The following SPATA6 variants were observed in gnomAD, a reference collection of about 807,000 sequenced individuals.
The protein encoded by SPATA6 is spermatogenesis-associated protein 6.
In SPATA6, 56 loss-of-function variants were observed where a neutral mutation model predicts 65.3. That is an observed-to-expected ratio of 0.86 (90% confidence interval 0.69 to 1.07). The LOEUF is 1.07. Ranked by LOEUF, SPATA6 falls within the 50% of genes least tolerant of loss-of-function variation. The pLI is 0.00. For missense variants in SPATA6, 590 were observed against 594.8 expected (o/e 0.99, Z 0.08); for synonymous variants, 199 against 213.2 (o/e 0.93, Z 0.58).
At chr1:48,454,213 C>G (rs750249837) in intron 1 of SPATA6, among the ~76,000 whole-genome samples, 15 of 152,040 alleles carry the variant, frequency 9.9e-5, no homozygotes, top group Non-Finnish European at 2.1e-4. Flanking sequence ...ACTACACCCT[C>G]AGCAGGATAT....
At chr1:48,362,006 C>A (rs1320293029) in intron 9 of SPATA6, among the ~76,000 whole-genome samples, 1 of 152,072 alleles carries the variant, frequency 6.6e-6, no homozygotes, top group Non-Finnish European at 1.5e-5. Context: ...AATAAAATTG[C>A]TCCATTTTTA....
At chr1:48,470,254 G>A (rs989957412) in intron 1 of SPATA6, among the ~76,000 whole-genome samples, 13 of 152,100 alleles carry the variant, frequency 8.5e-5, no homozygotes, top group African/African-American at 2.7e-4. Flanking sequence ...TATTGGCAAC[G>A]TTAGGGAAGC....
At chr1:48,373,135 C>T (rs865845503) in intron 9 of SPATA6, among the ~76,000 whole-genome samples, 5 of 152,210 alleles carry the variant, frequency 3.3e-5, no homozygotes, top group African/African-American at 7.2e-5. Flanking sequence ...TCTTTTCTAT[C>T]GCATAGTCAG....
At position 48,467,300 on chromosome 1, in the gene SPATA6, A is replaced by T. The variant is rs193053609; in HGVS notation, c.51+4658T>A. On this transcript the variant is annotated intron_variant, in intron 1 of 12. Transcript: ENST00000371847. ...ACCACTAACACAAAACTTCAGCAAA[A>T]AGTAAGCATGGAAGGGGTAGAGAAG... 8.5e-3 allele frequency among the ~76,000 whole-genome samples: 1,301 copies of T among 152,238 alleles called. 20 individuals carry two copies. The highest frequency in any genetic ancestry group is 0.03 in the African/African-American group (1,260 of 41,570).
Position 48,360,043 on chromosome 1 carries a change from C to T in SPATA6, c.910-273G>A, listed in dbSNP as rs563227188. Among the ~76,000 whole-genome samples, 11 of 152,082 alleles carry T rather than the reference C, an allele frequency of 7.2e-5. No individual in the cohort carries two copies. In the South Asian group the frequency reaches 1.9e-3, roughly 26 times the overall value. ...AAGGCTTTTGAGTAGTGGTGGGGTT[C>T]GCATAGGGATGTGTGTATCTAAAAC... On this transcript the variant is annotated intron_variant, in intron 9 of 12. Transcript: ENST00000371847.
intron 11 of SPATA6, among the ~76,000 whole-genome samples, chr1:48,327,679 A>T (rs1038551126): frequency 4.6e-5 from 7 of 152,168 alleles, no homozygotes; most frequent in African/African-American, 1.7e-4. Context: ...GCAGCAACAC[A>T]GATAGGCCAA....
At position 48,297,586 on chromosome 1, in the gene SPATA6, A is replaced by G. The variant is rs923588672; in HGVS notation, c.*1127T>C. The stretch of plus-strand genomic sequence containing the variant: ...TCAAAAACAGAGTCAATGAGAAAAT[A>G]TTATCTTTTAGGCAACTCTTCAAGA... On this transcript the variant is annotated 3_prime_UTR_variant, in exon 13 of 13. Coordinates refer to ENST00000371847, the MANE Select transcript of SPATA6 (RefSeq NM_019073.4). 1.3e-5 allele frequency: 2 copies of G among 152,164 alleles called. No homozygotes were observed. The highest frequency in any genetic ancestry group is 2.4e-5 in the African/African-American group (1 of 41,456). The allele number at this position is 152,164 out of a possible 1,614,324, so 9.4% of individuals were successfully genotyped here. A position where few individuals can be genotyped will look rare whatever the true frequency, so the allele number is the denominator to read the frequency against.
At chr1:48,403,080 G>A (rs1188336599) in intron 6 of SPATA6, among the ~76,000 whole-genome samples, 1 of 152,044 alleles carries the variant, frequency 6.6e-6, no homozygotes, top group Non-Finnish European at 1.5e-5. Context: ...GGGGACTGAT[G>A]CAGAAGGATT....
chr1:48,329,824 C>T (rs1260405574), intron 11 of SPATA6, among the ~76,000 whole-genome samples: 1 of 152,186 alleles, frequency 6.6e-6, no homozygotes, highest in East Asian at 1.9e-4. Flanking sequence ...TGACAGTCCC[C>T]AGGGGAATTT....
intron 9 of SPATA6, among the ~76,000 whole-genome samples, chr1:48,364,136 A>C (rs993020048): frequency 6.6e-6 from 1 of 152,074 alleles, no homozygotes; most frequent in African/African-American, 2.4e-5. Context: ...TGAACTCATC[A>C]TTTTTTATGG....
chr1:48,284,702 G>A, the SPATA6 span, among the ~76,000 whole-genome samples: 2 of 152,156 alleles, frequency 1.3e-5, no homozygotes, highest in South Asian at 2.1e-4. Context: ...TGCTGTCTGT[G>A]CTGGAGTTTG....
rs1644854356 is a variant in SPATA6, at chr1:48,298,528, A to G, written c.*185T>C. 1 of 538,234 alleles carries G rather than the reference A, an allele frequency of 1.9e-6. No individual in the cohort carries two copies. Among genetic ancestry groups the G allele is most frequent in the Non-Finnish European group, 3.1e-6 (1 of 319,022 alleles). 33.3% of individuals were successfully genotyped at this position (538,234 alleles called of 1,614,324 possible). On this transcript the variant is annotated 3_prime_UTR_variant, in exon 13 of 13. Transcript: ENST00000371847. ...TTGTAACACAGCAGACTCTTCTGTA[A>G]TAATTATTTTAAAAGGCTTGCCTAT...
chr1:48,290,342 GAAGGAAGCACTAAACATCGA>G, the SPATA6 span, among the ~76,000 whole-genome samples: 11 of 152,174 alleles, frequency 7.2e-5, no homozygotes, highest in Non-Finnish European at 5.9e-5. Flanking sequence ...AAGAGCTCCT[GAAGGAAGCACTAAACATCGA>G]AAGGAACAAC....
At chr1:48,312,895 C>T (rs115374727) in intron 11 of SPATA6, among the ~76,000 whole-genome samples, 4,021 of 152,140 alleles carry the variant, frequency 0.026, 51 homozygotes, top group South Asian at 0.059. Flanking sequence ...ACAAACGTGA[C>T]GAATGCACAA....
chr1:48,461,029 A>T (rs372964936), intron 1 of SPATA6, among the ~76,000 whole-genome samples: 1 of 152,192 alleles, frequency 6.6e-6, no homozygotes, highest in Non-Finnish European at 1.5e-5. Flanking sequence ...GTTCCAATAC[A>T]TATCTAATAG....
chr1:48,357,255 T>G (rs1456094085), intron 10 of SPATA6, among the ~76,000 whole-genome samples: 1 of 152,124 alleles, frequency 6.6e-6, no homozygotes, highest in African/African-American at 2.4e-5. Flanking sequence ...TATATTATAA[T>G]ATTAATATTT....
chr1:48,356,418 T>C (rs114956016), intron 10 of SPATA6, among the ~76,000 whole-genome samples: 1,859 of 151,706 alleles, frequency 0.012, 46 homozygotes, highest in African/African-American at 0.043. Context: ...TTATAATATA[T>C]AGTGTTATTA....
At chr1:48,321,994 T>A (rs568279025) in intron 11 of SPATA6, among the ~76,000 whole-genome samples, 1 of 152,046 alleles carries the variant, frequency 6.6e-6, no homozygotes, top group African/African-American at 2.4e-5. Context: ...CCAAAATCTA[T>A]GGGATACAGC....
intron 11 of SPATA6, among the ~76,000 whole-genome samples, chr1:48,312,316 C>T (rs188489600): frequency 1.3e-5 from 2 of 152,200 alleles, no homozygotes; most frequent in South Asian, 2.1e-4. Flanking sequence ...AGGCACCCCC[C>T]AGTAGGGGCA....
Sources: allele counts gnomAD v4.1 joint callset (sites outside exome capture counted in the v4.1 genomes callset), GRCh38; gene constraint gnomAD v4.1.1; transcripts MANE v1.5; gene names NCBI Gene and HGNC (gene_info 2026-07-23, HGNC 2026-07-21).